The following IFI35 variants were observed in gnomAD, a reference collection of about 807,000 sequenced individuals.
IFI35 encodes the protein interferon induced protein 35.
Under a neutral mutation model 28.6 loss-of-function variants are expected in IFI35, and 30 were observed. That is an observed-to-expected ratio of 1.05 (90% CI 0.79 to 1.43). The LOEUF is 1.43. Among genes scored for constraint, IFI35 ranks in the 40% most tolerant of loss-of-function variants. The pLI, the probability that IFI35 is intolerant of heterozygous loss-of-function variation, is 0.00. For synonymous variants in IFI35, 146 were observed against 154.8 expected (o/e 0.94, Z 0.42); for missense variants, 372 against 356.9 (o/e 1.04, Z -0.34).
intron 2 of IFI35, chr17:43,012,701 C>T (rs1428386284): frequency 6.9e-6 from 2 of 289,666 alleles, no homozygotes; most frequent in Non-Finnish European, 1.3e-5. Context: ...TGCCACTACA[C>T]TCCAGCTGGG....
At chr17:43,009,890 G>C (rs143519589) in intron 1 of IFI35, among the ~76,000 whole-genome samples, 1 of 151,514 alleles carries the variant, frequency 6.6e-6, no homozygotes, top group Non-Finnish European at 1.5e-5. Flanking sequence ...CCGATATTGC[G>C]CCACTGCACT....
chr17:43,013,718 G>C (rs1209805471), intron 5 of IFI35, 56 bp downstream of exon 5: 1 of 1,608,528 alleles, frequency 6.2e-7, no homozygotes, highest in Non-Finnish European at 8.5e-7. Context: ...GCAAGATTAC[G>C]GTGCAGGGAG....
At chr17:43,009,857 C>T (rs533051218) in intron 1 of IFI35, among the ~76,000 whole-genome samples, 17 of 149,746 alleles carry the variant, frequency 1.1e-4, no homozygotes, top group East Asian at 7.9e-4. Context: ...CTGTTGAATC[C>T]GGGAGGTGGA....
chr17:43,014,345 C>A lies in IFI35; in HGVS notation c.*46C>A. On this transcript the variant is annotated 3_prime_UTR_variant, in exon 7 of 7. Coordinates refer to ENST00000415816, the MANE Select transcript of IFI35 (RefSeq NM_001330230.2). ...CCCCACCCCCCCGCCAAGGTTCTCA[C>A]ACTGGCCTGGGCTTGGGTGCCCATA... The A allele has an allele frequency of 7.0e-7, 1 of 1,424,096 alleles. No homozygotes were observed. Among genetic ancestry groups the A allele is most frequent in the Non-Finnish European group, 9.5e-7 (1 of 1,056,930 alleles). The allele number at this position is 1,424,096 out of a possible 1,614,324, so 88.2% of individuals were successfully genotyped here.
intron 2 of IFI35, chr17:43,012,486 A>G (rs1372058336): frequency 2.8e-6 from 1 of 355,980 alleles, no homozygotes; most frequent in Non-Finnish European, 5.2e-6. Flanking sequence ...CACGCCTGTA[A>G]TCCCAGCACT....
intron 1 of IFI35, among the ~76,000 whole-genome samples, chr17:43,011,429 G>A (rs927324729): frequency 1.7e-4 from 26 of 152,172 alleles, no homozygotes; most frequent in African/African-American, 6.0e-4. Flanking sequence ...TGAGGCAGGA[G>A]AATTACTTGA....
Position 43,014,218 on chromosome 17 carries a change from C to G in IFI35, c.780C>G (p.Arg260=), listed in dbSNP as rs537370701. The change falls in exon 7 of 7, where the codon CGC becomes CGG. Residue 260 remains arginine, a synonymous_variant. Coordinates refer to ENST00000415816, the MANE Select transcript of IFI35 (RefSeq NM_001330230.2). ...VLEIHFQKPT[R]GGGEVEALTV... ...AGATCCACTTCCAGAAGCCCACCCG[C>G]GGGGGCGGGGAGGTAGAGGCCCTGA... 1.2e-6 allele frequency: 2 copies of G among 1,612,782 alleles called. No homozygotes were observed. Among genetic ancestry groups the G allele is most frequent in the South Asian group, 2.2e-5 (2 of 90,936 alleles).
Position 43,013,484 on chromosome 17 carries a change from C to T in IFI35, c.384C>T (p.Ser128=), listed in dbSNP as rs1401228109. The T allele has an allele frequency of 1.9e-6, 3 of 1,613,900 alleles. No individual in the cohort carries two copies. Among genetic ancestry groups the T allele is most frequent in the Non-Finnish European group, 2.5e-6 (3 of 1,179,870 alleles). ...LPMVTTIQMS[S]QLSGRRVLVT... ...TTGCTGTCTCCCCCTAGATGTCCAG[C>T]CAGTTGAGTGGCCGGAGGGTGTTGG... Residue 128 remains serine, a synonymous_variant, in exon 5 of 7, where the codon AGC becomes AGT. Transcript: ENST00000415816.
Position 43,013,070 on chromosome 17 carries a change from C to G in IFI35, c.144C>G (p.Ile48Met). 1 of 1,614,062 alleles carries G rather than the reference C, an allele frequency of 6.2e-7. No individual in the cohort carries two copies. Among genetic ancestry groups the G allele is most frequent in the Non-Finnish European group, 8.5e-7 (1 of 1,179,986 alleles). ...AGGTCCCATTTTCAGTGCCCAAGAT[C>G]CCCCTGGTATTCCGAGGACACACCC... is the stretch of plus-strand genomic sequence containing the variant. ...KDKVPFSVPK[I>M]PLVFRGHTQQ... The change falls in exon 3 of 7, where the codon ATC (isoleucine) becomes ATG (methionine). Residue 48 changes from isoleucine (I) to methionine (M), a missense_variant. Physicochemically the swap from Ile to Met is conservative, Grantham distance 10. Transcript: ENST00000415816.
At chr17:43,008,343 CTTT>C (rs34285823) in intron 1 of IFI35, among the ~76,000 whole-genome samples, 12 of 89,404 alleles carry the variant, frequency 1.3e-4, no homozygotes, top group African/African-American at 5.8e-4. Context: ...CTTTTCTTTC[CTTT>C]TTTTTTTTTT....
In IFI35 at chr17:43,006,883, G is replaced by A; in HGVS notation, c.-65G>A. The A allele has an allele frequency of 1.3e-6, 2 of 1,582,398 alleles. No individual in the cohort carries two copies. Among genetic ancestry groups the A allele is most frequent in the South Asian group, 2.2e-5 (2 of 90,436 alleles). ...GGGGGGTACAAACAAGAGTTCAGTT[G>A]CTGTGAATTCTGCCACTGTGCCCAG... On this transcript the variant is annotated 5_prime_UTR_variant, in exon 1 of 7. Transcript: ENST00000415816.
chr17:43,012,407 C>T (rs1166609083), intron 2 of IFI35, 130 bp downstream of exon 2: 1 of 566,160 alleles, frequency 1.8e-6, no homozygotes, highest in African/African-American at 1.9e-5. Context: ...GAGTTTGAGA[C>T]CAGCCTGGCC....
Position 43,013,616 on chromosome 17 carries a change from G to A in IFI35, c.516G>A (p.Arg172=). 6.2e-7 allele frequency: 1 copy of A among 1,614,138 alleles called. No individual in the cohort carries two copies. The change falls in exon 5 of 7, where the codon CGG becomes CGA. Residue 172 remains arginine (R), a synonymous_variant. Transcript: ENST00000415816. The stretch of plus-strand genomic sequence containing the variant: ...ACGGAGGTGGCGATGTGGACGTTCG[G>A]GAGCTACTGCCAGGGAGTGTCATGC... ...TRNGGGDVDV[R]ELLPGSVMLG... is the part of the protein sequence containing the mutation.
chr17:43,011,353 T>C (rs1272917542), intron 1 of IFI35, among the ~76,000 whole-genome samples: 4 of 152,038 alleles, frequency 2.6e-5, no homozygotes, highest in African/African-American at 4.8e-5. Flanking sequence ...AACCTGTTTC[T>C]ACTAAAAATA....
intron 1 of IFI35, among the ~76,000 whole-genome samples, chr17:43,011,524 T>G (rs2050458354): frequency 6.6e-6 from 1 of 151,496 alleles, no homozygotes; most frequent in African/African-American, 2.4e-5. Context: ...GTCTCAAAAA[T>G]AAATAAATAA....
intron 1 of IFI35, among the ~76,000 whole-genome samples, chr17:43,011,635 G>A (rs1241313131): frequency 6.6e-6 from 1 of 152,160 alleles, no homozygotes; most frequent in East Asian, 1.9e-4. Context: ...CATCAGACGG[G>A]CTTAGCACAG....
At chr17:43,012,849 C>T (rs2050473538) in intron 2 of IFI35, 198 bp from the exon 3 acceptor site, 1 of 613,336 alleles carries the variant, frequency 1.6e-6, no homozygotes, top group Non-Finnish European at 2.9e-6. Flanking sequence ...TAGAGCTACC[C>T]ACCTCCCAGG....
At position 43,006,791 on chromosome 17, in the gene IFI35, C is replaced by T; in HGVS notation, c.-157C>T. ...CGGAAATGAAAGTGGAAGCAAACAG[C>T]CTGCGAGCAGAGCCTCCTGAGGTGT... On this transcript the variant is annotated 5_prime_UTR_variant, in exon 1 of 7. Transcript: ENST00000415816. The T allele has an allele frequency of 1.0e-5, 7 of 698,962 alleles. No homozygotes were observed. The highest frequency in any genetic ancestry group is 1.8e-5 in the Non-Finnish European group (7 of 387,530). The allele number at this position is 698,962 out of a possible 1,614,324, so 43.3% of individuals were successfully genotyped here.
chr17:43,008,201 A>AT, intron 1 of IFI35, among the ~76,000 whole-genome samples: 1 of 148,674 alleles, frequency 6.7e-6, no homozygotes, highest in African/African-American at 2.5e-5. Flanking sequence ...TGCCTGGCTA[A>AT]TTTTTTGTAT....
Sources: gnomAD v4.1 joint callset for allele counts (sites outside exome capture counted in the v4.1 genomes callset) on GRCh38, gnomAD v4.1.1 for gene constraint, MANE v1.5 for transcripts, NCBI Gene and HGNC (gene_info 2026-07-23, HGNC 2026-07-21) for gene names.